The following PTK2 variants were observed in gnomAD, a reference collection of about 807,000 sequenced individuals.
The protein encoded by PTK2 is focal adhesion kinase 1.
PTK2 carries 45 observed loss-of-function variants against 150.1 expected under a neutral mutation model. The observed-to-expected ratio is 0.30, with a 90% CI of 0.24 to 0.38. The LOEUF is 0.38. Ranked by LOEUF, PTK2 falls within the 10% of genes least tolerant of loss-of-function variation. The pLI is 1.00. For missense variants in PTK2, 919 were observed against 1,307.3 expected, an observed-to-expected ratio of 0.70 and a Z score of 4.58; for synonymous variants, 432 against 449.2, an observed-to-expected ratio of 0.96 and a Z score of 0.48.
chr8:140,701,290 ACATT>A (rs755995436), intron 25 of PTK2, among the ~76,000 whole-genome samples: 17 of 152,264 alleles, frequency 1.1e-4, no homozygotes, highest in South Asian at 2.1e-4. Context: ...TGCAAAGAAT[ACATT>A]GTTACTTATA....
chr8:140,675,366 G>A, intron 28 of PTK2, 94 bp downstream of exon 31: 3 of 1,346,906 alleles, frequency 2.2e-6, no homozygotes, highest in South Asian at 1.2e-5. Flanking sequence ...AATTAACCAT[G>A]AGGGTATTCC....
At chr8:140,791,113 C>A (rs1332250191) in intron 13 of PTK2, among the ~76,000 whole-genome samples, 1 of 152,186 alleles carries the variant, frequency 6.6e-6, no homozygotes, top group Admixed American at 6.5e-5. Context: ...TTAACACTTG[C>A]AATGTACTAC....
chr8:140,857,495 C>A (rs1007795709), intron 5 of PTK2, among the ~76,000 whole-genome samples: 1 of 152,100 alleles, frequency 6.6e-6, no homozygotes, highest in African/African-American at 2.4e-5. Context: ...GCTAAAGGGA[C>A]CTGCTATATA....
At chr8:140,971,162 G>C (rs2100187116) in intron 1 of PTK2, among the ~76,000 whole-genome samples, 1 of 152,156 alleles carries the variant, frequency 6.6e-6, no homozygotes, top group Non-Finnish European at 1.5e-5. Flanking sequence ...CACTAATTTA[G>C]TACAATCTGA....
intron 7 of PTK2, among the ~76,000 whole-genome samples, chr8:140,835,415 T>C (rs898785903): frequency 2.6e-5 from 4 of 152,216 alleles, no homozygotes; most frequent in Non-Finnish European, 4.4e-5. Context: ...ATAACTTAAA[T>C]AGGCATTTCC....
intron 2 of PTK2, among the ~76,000 whole-genome samples, chr8:140,901,648 T>TC (rs2100158479): frequency 7.0e-6 from 1 of 142,836 alleles, no homozygotes; most frequent in Non-Finnish European, 1.5e-5. Context: ...CAAGATCCTG[T>TC]CTTTTTTTTT....
intron 3 of PTK2, among the ~76,000 whole-genome samples, chr8:140,886,663 G>A (rs2100152436): frequency 6.6e-6 from 1 of 152,158 alleles, no homozygotes; most frequent in Non-Finnish European, 1.5e-5. Context: ...GAGAGCCCAT[G>A]CTATTAGCTT....
chr8:140,770,976 AC>A, intron 14 of PTK2, 177 bp from the exon 15 acceptor site: 1 of 203,020 alleles, frequency 4.9e-6, no homozygotes, highest in Non-Finnish European at 1.0e-5. Flanking sequence ...GTTTTAAAAA[AC>A]ATACTAATAT....
intron 1 of PTK2, among the ~76,000 whole-genome samples, chr8:140,987,149 T>C (rs1021159884): frequency 3.9e-5 from 6 of 152,076 alleles, no homozygotes; most frequent in African/African-American, 1.4e-4. Context: ...TAGAGAACTC[T>C]CAAAACCCAA....
chr8:140,792,785 T>A (rs759932159), intron 13 of PTK2, among the ~76,000 whole-genome samples: 2 of 152,230 alleles, frequency 1.3e-5, no homozygotes, highest in Non-Finnish European at 2.9e-5. Flanking sequence ...AGTGTAAATA[T>A]CTCTGAAAGC....
chr8:140,706,319 A>C, intron 23 of PTK2, 114 bp from the exon 27 acceptor site: 1 of 737,932 alleles, frequency 1.4e-6, no homozygotes, highest in Non-Finnish European at 2.3e-6. Flanking sequence ...GAATGATAAA[A>C]AGATGCTAAG....
intron 1 of PTK2, among the ~76,000 whole-genome samples, chr8:140,991,873 G>A (rs1419665969): frequency 6.6e-6 from 1 of 152,180 alleles, no homozygotes; most frequent in Non-Finnish European, 1.5e-5. Flanking sequence ...GCTAGGCGTA[G>A]TGGCATGCGC....
intron 1 of PTK2, among the ~76,000 whole-genome samples, chr8:140,959,125 A>C (rs1239417107): frequency 6.6e-6 from 1 of 151,974 alleles, no homozygotes; most frequent in South Asian, 2.1e-4. Flanking sequence ...ATAGGGAGTA[A>C]AATTTTTTTT....
Position 140,749,791 on chromosome 8 carries a change from T to A in PTK2, c.1417+2441A>T, listed in dbSNP as rs184389932. Among the ~76,000 whole-genome samples the A allele has an allele frequency of 7.3e-3, 1,113 of 152,252 alleles. 8 individuals carry two copies. The highest frequency in any genetic ancestry group is 0.012 in the Non-Finnish European group (829 of 68,010). ...CCTACAGAAGTTTAGATACACTACA[T>A]CTATCACATTTCCCTGAAATAACTG... On this transcript the variant is annotated intron_variant, in intron 17 of 31. Transcript: ENST00000522684.
intron 8 of PTK2, among the ~76,000 whole-genome samples, chr8:140,829,003 T>G (rs2100113651): frequency 6.6e-6 from 1 of 152,252 alleles, no homozygotes; most frequent in Non-Finnish European, 1.5e-5. Context: ...GGACAGTGTC[T>G]CGATCTGTAG....
At chr8:140,956,222 C>G (rs2100181159) in intron 1 of PTK2, among the ~76,000 whole-genome samples, 1 of 152,212 alleles carries the variant, frequency 6.6e-6, no homozygotes, top group Non-Finnish European at 1.5e-5. Flanking sequence ...GCTGAACCCA[C>G]TTGCTAAAGC....
chr8:140,893,936 T>C (rs1014842506), intron 2 of PTK2, among the ~76,000 whole-genome samples: 1 of 152,180 alleles, frequency 6.6e-6, no homozygotes, highest in African/African-American at 2.4e-5. Context: ...ATAGTATGTA[T>C]AAAGGGGAAT....
At chr8:140,909,400 T>C (rs1445717059) in intron 2 of PTK2, 1 of 152,212 alleles carries the variant, frequency 6.6e-6, no homozygotes, top group Non-Finnish European at 1.5e-5. Context: ...AAACTTCACC[T>C]AAATCCCCAA....
intron 10 of PTK2, 83 bp from the exon 11 acceptor site, chr8:140,803,733 G>A (rs1166632993): frequency 1.8e-5 from 23 of 1,290,218 alleles, no homozygotes; most frequent in East Asian, 9.3e-5. Flanking sequence ...TGAAATCCTC[G>A]TTGTCCTGAA....
Sources: gnomAD v4.1 joint callset for allele counts (sites outside exome capture counted in the v4.1 genomes callset) on GRCh38, gnomAD v4.1.1 for gene constraint, MANE v1.5 for transcripts, NCBI Gene and HGNC (gene_info 2026-07-23, HGNC 2026-07-21) for gene names.